RCOR3: variants seen among roughly 807,000 people sequenced by gnomAD.
RCOR3 encodes REST corepressor 3.
In RCOR3, 13 loss-of-function variants were observed where a neutral mutation model predicts 64.1. The ratio of observed to expected loss-of-function variants is 0.20; its 90% CI spans 0.13 to 0.32. RCOR3 has a LOEUF of 0.32. Ranked by LOEUF, RCOR3 falls within the 10% of genes least tolerant of loss-of-function variation. RCOR3 has a pLI of 1.00. For synonymous variants in RCOR3, 215 were observed against 239.0 expected, an observed-to-expected ratio of 0.90 and a Z score of 0.93; for missense variants, 489 against 701.2, an observed-to-expected ratio of 0.70 and a Z score of 3.42.
intron 8 of RCOR3, among the ~76,000 whole-genome samples, chr1:211,292,107 C>T (rs1470948119): frequency 6.6e-6 from 1 of 152,166 alleles, no homozygotes; most frequent in Non-Finnish European, 1.5e-5. Context: ...AAGTGGCCAA[C>T]ATCTAATGCT....
intron 1 of RCOR3, 77 bp downstream of exon 1, chr1:211,259,803 C>A: frequency 7.8e-7 from 1 of 1,280,654 alleles, no homozygotes; most frequent in South Asian, 1.5e-5. Flanking sequence ...CTCCCCTCGC[C>A]GCTCTCCCGC....
At position 211,259,595 on chromosome 1, in the gene RCOR3, T is replaced by A; in HGVS notation, c.35T>A (p.Leu12Gln). 7 of 1,548,198 alleles carry A rather than the reference T, an allele frequency of 4.5e-6. No homozygotes were observed. Among genetic ancestry groups the A allele is most frequent in the Non-Finnish European group, 6.1e-6 (7 of 1,146,042 alleles). The change falls in exon 1 of 12, where the codon CTG (leucine) becomes CAG (glutamine). Residue 12 changes from leucine (L) to glutamine (Q), a missense_variant. Coordinates refer to ENST00000419091, the MANE Select transcript of RCOR3 (RefSeq NM_001136223.3). ...PGMMEKGPEL[L>Q]GKNRSANGSA... ...ATGATGGAGAAAGGGCCCGAGTTAC[T>A]GGGGAAGAACCGATCGGCCAACGGC...
At chr1:211,282,582 A>G (rs1461482966) in intron 7 of RCOR3, among the ~76,000 whole-genome samples, 1 of 151,586 alleles carries the variant, frequency 6.6e-6, no homozygotes, top group East Asian at 1.9e-4. Context: ...GCTCACTGCA[A>G]CCTCCACCTG....
chr1:211,284,981 TAAG>T (rs2102546437), intron 7 of RCOR3, among the ~76,000 whole-genome samples: 1 of 152,370 alleles, frequency 6.6e-6, no homozygotes, highest in East Asian at 1.9e-4. Context: ...TTACTTATAA[TAAG>T]CCTCATAAGT....
intron 2 of RCOR3, among the ~76,000 whole-genome samples, chr1:211,268,385 T>C (rs1182721091): frequency 7.5e-5 from 10 of 132,888 alleles, no homozygotes; most frequent in African/African-American, 3.2e-4. Context: ...TTTTTTTTTT[T>C]TTTTTTTTTT....
chr1:211,277,520 A>G (rs1223290378), intron 5 of RCOR3, among the ~76,000 whole-genome samples: 3 of 152,244 alleles, frequency 2.0e-5, no homozygotes, highest in Non-Finnish European at 2.9e-5. Flanking sequence ...AGAATTGAAT[A>G]GCTTTTCTTT....
chr1:211,314,061 GT>G lies in RCOR3; in HGVS notation c.*297del. 4 of 294,888 alleles carry G rather than the reference GT, an allele frequency of 1.4e-5. No individual in the cohort carries two copies. The highest frequency in any genetic ancestry group is 6.3e-6 in the Non-Finnish European group (1 of 158,322). 18.3% of individuals were successfully genotyped at this position (294,888 alleles called of 1,614,324 possible). A position where few individuals can be genotyped will look rare whatever the true frequency, so the allele number is the denominator to read the frequency against. On this transcript the variant is annotated 3_prime_UTR_variant, in exon 12 of 12. Transcript: ENST00000419091. Reference sequence around the variant, plus strand: ...TAAGTATTCTATATACCAAGTTTTTGTTTTGTTTTTACTGTATTTATTTTAT... The same window carrying G: ...TAAGTATTCTATATACCAAGTTTTTGTTTGTTTTTACTGTATTTATTTTAT...
At chr1:211,268,017 A>G (rs918460691) in intron 2 of RCOR3, 1 of 283,492 alleles carries the variant, frequency 3.5e-6, no homozygotes, top group African/African-American at 2.3e-5. Flanking sequence ...CAGGGAAATT[A>G]TGTTTAAATA....
At chr1:211,285,926 G>A (rs947982939) in intron 7 of RCOR3, among the ~76,000 whole-genome samples, 1 of 152,118 alleles carries the variant, frequency 6.6e-6, no homozygotes, top group Non-Finnish European at 1.5e-5. Flanking sequence ...AATATGTAGG[G>A]TCTCTTTTAT....
At chr1:211,291,582 A>G (rs1050252597) in intron 8 of RCOR3, 1 of 456,202 alleles carries the variant, frequency 2.2e-6, no homozygotes, top group Non-Finnish European at 4.4e-6. Flanking sequence ...GAGGACTACT[A>G]TATTCTGCTT....
At chr1:211,298,363 C>A (rs1700049630) in intron 9 of RCOR3, among the ~76,000 whole-genome samples, 1 of 152,022 alleles carries the variant, frequency 6.6e-6, no homozygotes, top group Non-Finnish European at 1.5e-5. Flanking sequence ...CAGAAAGGAC[C>A]ATAGAGGTCA....
intron 10 of RCOR3, among the ~76,000 whole-genome samples, chr1:211,306,857 T>C (rs1427706408): frequency 1.3e-5 from 2 of 152,326 alleles, no homozygotes; most frequent in East Asian, 3.9e-4. Flanking sequence ...TTTATTATGT[T>C]AATTCTAGTT....
At chr1:211,293,040 C>T (rs1352519222) in intron 8 of RCOR3, among the ~76,000 whole-genome samples, 3 of 151,550 alleles carry the variant, frequency 2.0e-5, no homozygotes, top group Admixed American at 1.3e-4. Flanking sequence ...GCCGAGATCG[C>T]GCCACTGCAC....
intron 7 of RCOR3, among the ~76,000 whole-genome samples, chr1:211,279,612 C>T (rs1259526668): frequency 6.6e-6 from 1 of 152,164 alleles, no homozygotes; most frequent in Non-Finnish European, 1.5e-5. Context: ...ATGCCATGGG[C>T]CATTCATCAC....
intron 9 of RCOR3, chr1:211,302,329 G>A (rs947650589): frequency 6.6e-5 from 10 of 152,158 alleles, no homozygotes; most frequent in Admixed American, 6.6e-4. Context: ...AATGACATTA[G>A]TCACCTACAG....
At chr1:211,309,966 C>T (rs557100873) in intron 10 of RCOR3, among the ~76,000 whole-genome samples, 13 of 152,232 alleles carry the variant, frequency 8.5e-5, no homozygotes, top group South Asian at 2.1e-4. Flanking sequence ...CCAAAGTGCT[C>T]TTGAGCCATG....
chr1:211,259,779 C>A, intron 1 of RCOR3, 53 bp downstream of exon 1: 1 of 1,302,670 alleles, frequency 7.7e-7, no homozygotes, highest in Non-Finnish European at 1.0e-6. Context: ...TCCCTCTTCC[C>A]CTCCCCCAGC....
At chr1:211,276,204 T>C in intron 4 of RCOR3, 53 bp from the exon 5 acceptor site, 1 of 1,513,836 alleles carries the variant, frequency 6.6e-7, no homozygotes, top group Admixed American at 1.8e-5. Context: ...CTTTCTTAAG[T>C]GTGATGGAAC....
intron 7 of RCOR3, 93 bp downstream of exon 7, chr1:211,279,409 T>A: frequency 1.2e-6 from 1 of 853,914 alleles, no homozygotes; most frequent in Non-Finnish European, 1.9e-6. Context: ...CTTTTTAATG[T>A]AATGCTTTAT....
Sources: allele counts gnomAD v4.1 joint callset (sites outside exome capture counted in the v4.1 genomes callset), GRCh38; gene constraint gnomAD v4.1.1; transcripts MANE v1.5; gene names NCBI Gene and HGNC (gene_info 2026-07-23, HGNC 2026-07-21).